Variants in FRMD6 observed in about 807,000 individuals in gnomAD.
The protein encoded by FRMD6 is FERM domain-containing protein 6.
Under a neutral mutation model 73.2 loss-of-function variants are expected in FRMD6, and 37 were observed. The ratio of observed to expected loss-of-function variants is 0.51; its 90% CI spans 0.39 to 0.66. The LOEUF (loss-of-function observed/expected upper bound fraction) is 0.66, where lower values mean the gene tolerates loss of function less well. FRMD6 is among the 30% of genes least tolerant of loss of function. The pLI, the probability that FRMD6 is intolerant of heterozygous loss-of-function variation, is 0.00. For missense variants in FRMD6, 714 were observed against 780.5 expected (o/e 0.91, Z 1.02); for synonymous variants, 273 against 282.2 (o/e 0.97, Z 0.33).
intron 1 of FRMD6, among the ~76,000 whole-genome samples, chr14:51,667,975 T>A (rs1893723315): frequency 6.6e-6 from 1 of 152,186 alleles, no homozygotes; most frequent in African/African-American, 2.4e-5. Flanking sequence ...AAATATAAGT[T>A]GTAGAGTAAA....
At chr14:51,606,046 T>A (rs1241914818) in intron 2 of FRMD6, among the ~76,000 whole-genome samples, 1 of 152,154 alleles carries the variant, frequency 6.6e-6, no homozygotes, top group Admixed American at 6.5e-5. Flanking sequence ...CTAGAGAAAG[T>A]GTGTTCTCTC....
chr14:51,411,919 C>G, the FRMD6 span, among the ~76,000 whole-genome samples: 3 of 152,268 alleles, frequency 2.0e-5, no homozygotes, highest in Admixed American at 2.0e-4. Context: ...AAAGCATGCT[C>G]AATTTGAAGG....
intron 2 of FRMD6, among the ~76,000 whole-genome samples, chr14:51,646,027 AC>A (rs990009621): frequency 5.3e-5 from 8 of 152,046 alleles, no homozygotes; most frequent in African/African-American, 1.9e-4. Context: ...ATCACAAAAC[AC>A]TGAAGAGAGG....
At chr14:51,705,430 G>A (rs58457895) in intron 6 of FRMD6, among the ~76,000 whole-genome samples, 9,874 of 152,010 alleles carry the variant, frequency 0.065, 378 homozygotes, top group Middle Eastern at 0.082. Flanking sequence ...TCTCAGCTGC[G>A]CTTTCTCCAC....
chr14:51,579,593 T>C (rs12433580), intron 2 of FRMD6, among the ~76,000 whole-genome samples: 58,560 of 152,060 alleles, frequency 0.39, 12,269 homozygotes, highest in African/African-American at 0.55. Flanking sequence ...TACCCTGCAT[T>C]TAACACATCC....
At chr14:51,551,842 G>T (rs1247577477) in intron 1 of FRMD6, among the ~76,000 whole-genome samples, 2 of 151,208 alleles carry the variant, frequency 1.3e-5, no homozygotes, top group East Asian at 3.9e-4. Context: ...TATTATATAA[G>T]TATATGTTAA....
Position 51,702,513 on chromosome 14 carries a change from G to C in FRMD6, c.296G>C (p.Gly99Ala). ...SKVRQYEVTW[G>A]IDQFGPPMII... ...TTTTGTGTGTGCTTTTGTTTCTAGG[G>C]TATCGACCAATTTGGGCCTCCTATG... The change falls in exon 5 of 14, where the codon GGT becomes GCT. Residue 99 changes from glycine (G) to alanine (A), a missense_variant and splice_region_variant. Physicochemically the swap from Gly to Ala is moderately conservative, Grantham distance 60 (BLOSUM62 0). Transcript: ENST00000344768. The C allele has an allele frequency of 6.2e-7, 1 of 1,611,042 alleles. No homozygotes were observed. Among genetic ancestry groups the C allele is most frequent in the Middle Eastern group, 1.7e-4 (1 of 6,042 alleles).
chr14:51,435,418 T>TA, the FRMD6 span, among the ~76,000 whole-genome samples: 892 of 77,384 alleles, frequency 0.012, 12 homozygotes, highest in African/African-American at 0.024. Context: ...CCATCTCTAT[T>TA]TAAAAAAAAA....
chr14:51,482,147 A>C, the FRMD6 span, among the ~76,000 whole-genome samples: 4,953 of 152,298 alleles, frequency 0.033, 271 homozygotes, highest in African/African-American at 0.11. Context: ...TGTTTTCCAT[A>C]ACATAAAAGT....
At chr14:51,442,534 CT>C in the FRMD6 span, among the ~76,000 whole-genome samples, 1 of 152,208 alleles carries the variant, frequency 6.6e-6, no homozygotes, top group African/African-American at 2.4e-5. Flanking sequence ...TTCTAGCAAA[CT>C]TCTAGAAAGC....
chr14:51,528,910 G>A (rs1157905669), intron 1 of FRMD6, among the ~76,000 whole-genome samples: 1 of 152,106 alleles, frequency 6.6e-6, no homozygotes, highest in East Asian at 1.9e-4. Context: ...TGCCACTAAG[G>A]CTCAGTAGAG....
chr14:51,639,057 A>ATT (rs534752515), intron 2 of FRMD6, among the ~76,000 whole-genome samples: 68 of 147,886 alleles, frequency 4.6e-4, no homozygotes, highest in African/African-American at 1.1e-3. Context: ...AAGTGTCAGG[A>ATT]TTTTTTTTTT....
chr14:51,634,237 A>C (rs1205605834), intron 2 of FRMD6, among the ~76,000 whole-genome samples: 1 of 152,192 alleles, frequency 6.6e-6, no homozygotes, highest in Non-Finnish European at 1.5e-5. Context: ...ACACGTTGGG[A>C]GATAGTAACC....
rs1036443200 is a variant in FRMD6, at chr14:51,662,891, A to G, written c.-147+10895A>G. Among the ~76,000 whole-genome samples, 7 of 152,242 alleles carry G rather than the reference A, an allele frequency of 4.6e-5. No individual in the cohort carries two copies. The East Asian group carries it at 1.2e-3, about 25-fold the overall frequency. On this transcript the variant is annotated intron_variant, in intron 1 of 13. Coordinates refer to ENST00000344768, the MANE Select transcript of FRMD6 (RefSeq NM_001267046.2). ...AATATTTGCAAAGTATGTACTGACA[A>G]AGGTCTAATATGCAGCATCTATAAG...
chr14:51,532,588 A>G (rs1885653303), intron 1 of FRMD6, among the ~76,000 whole-genome samples: 1 of 152,046 alleles, frequency 6.6e-6, no homozygotes, highest in South Asian at 2.1e-4. Context: ...CCAATTTTCC[A>G]CCCAGGTGGA....
At chr14:51,520,143 C>T (rs1163003634) in intron 1 of FRMD6, among the ~76,000 whole-genome samples, 1 of 152,110 alleles carries the variant, frequency 6.6e-6, no homozygotes, top group African/African-American at 2.4e-5. Flanking sequence ...GACAAACAAC[C>T]TAATTTAAAA....
At position 51,711,253 on chromosome 14, in the gene FRMD6, A is replaced by C. The variant is rs148894902; in HGVS notation, c.715-278A>C. Among the ~76,000 whole-genome samples, 384 of 152,330 alleles carry C rather than the reference A, an allele frequency of 2.5e-3. 1 individual carries two copies. The highest frequency in any genetic ancestry group is 8.6e-3 in the African/African-American group (356 of 41,576). ...AATAACAAGTATTTAGAATATTGTC[A>C]GATACAAAAGTGTATGTAATATAGT... On this transcript the variant is annotated intron_variant, in intron 7 of 13. Coordinates refer to ENST00000344768, the MANE Select transcript of FRMD6 (RefSeq NM_001267046.2).
At position 51,560,379 on chromosome 14, in the gene FRMD6, G is replaced by A. The variant is rs140609644; in HGVS notation, c.-209-9969G>A. Among the ~76,000 whole-genome samples the A allele has an allele frequency of 1.7e-4, 26 of 152,256 alleles. 1 individual carries two copies. Among genetic ancestry groups the A allele is most frequent in the Admixed American group, 7.2e-4 (11 of 15,292 alleles). On this transcript the variant is annotated intron_variant, in intron 1 of 14. Transcript: ENST00000356218. The stretch of plus-strand genomic sequence containing the variant: ...AGTAATAGTAATATTCATGTAGGCC[G>A]GCAACAGTGTTTCAGAAGCTGCATG...
rs142629302 is a variant in FRMD6 at position 51,673,546 on chromosome 14, T to G, written c.-146-16145T>G. Among the ~76,000 whole-genome samples the G allele has an allele frequency of 1.4e-3, 209 of 152,322 alleles. 1 individual carries two copies. In the East Asian group the frequency reaches 0.034, roughly 25 times the overall value. ...TTAGGCTCACCTAGTTTGTTTTCCT[T>G]CAGTGTCTAAAAACCATTTGATGTG... On this transcript the variant is annotated intron_variant, in intron 1 of 13. Coordinates refer to ENST00000344768, the MANE Select transcript of FRMD6 (RefSeq NM_001267046.2).
Sources: gnomAD v4.1 joint callset for allele counts (sites outside exome capture counted in the v4.1 genomes callset) on GRCh38, gnomAD v4.1.1 for gene constraint, MANE v1.5 for transcripts, NCBI Gene and HGNC (gene_info 2026-07-23, HGNC 2026-07-21) for gene names.